The following ANO2 variants were observed in gnomAD, a reference collection of about 807,000 sequenced individuals.
The protein encoded by ANO2 is anoctamin 2, also known as anoctamin-2.
In ANO2, 101 loss-of-function variants were observed where a neutral mutation model predicts 124.2. The observed-to-expected ratio is 0.81, with a 90% CI of 0.69 to 0.96. The LOEUF (loss-of-function observed/expected upper bound fraction) is 0.96, where lower values mean the gene tolerates loss of function less well. ANO2 is among the 40% of genes least tolerant of loss of function. The pLI is 0.00. For synonymous variants in ANO2, 486 were observed against 482.5 expected (o/e 1.01, Z -0.09); for missense variants, 1,293 against 1,274.5 (o/e 1.01, Z -0.22).
chr12:5,724,606 C>T (rs1220558390), intron 14 of ANO2, among the ~76,000 whole-genome samples: 1 of 152,218 alleles, frequency 6.6e-6, no homozygotes, highest in Non-Finnish European at 1.5e-5. Context: ...CTGCCAGAGG[C>T]GTCTGTCGTA....
At chr12:5,822,810 A>C (rs767408459) in intron 7 of ANO2, among the ~76,000 whole-genome samples, 1 of 152,164 alleles carries the variant, frequency 6.6e-6, no homozygotes, top group Non-Finnish European at 1.5e-5. Flanking sequence ...TATACCTCAG[A>C]CTGGGAAGAA....
chr12:5,767,896 G>A (rs1407325332), intron 10 of ANO2, among the ~76,000 whole-genome samples: 4 of 152,138 alleles, frequency 2.6e-5, no homozygotes, highest in South Asian at 4.1e-4. Flanking sequence ...CTGAAGCTGA[G>A]CTGGGGTGTC....
intron 20 of ANO2, among the ~76,000 whole-genome samples, chr12:5,592,901 T>C (rs1292144134): frequency 6.6e-6 from 1 of 152,158 alleles, no homozygotes; most frequent in African/African-American, 2.4e-5. Flanking sequence ...GACTTGCCAT[T>C]TCAGGAGACA....
chr12:5,630,751 A>G (rs1345094533), intron 16 of ANO2, among the ~76,000 whole-genome samples: 1 of 152,242 alleles, frequency 6.6e-6, no homozygotes, highest in Non-Finnish European at 1.5e-5. Context: ...AGGAAATAAA[A>G]ATAAATGAAA....
intron 8 of ANO2, among the ~76,000 whole-genome samples, chr12:5,806,630 A>G (rs554317351): frequency 6.6e-6 from 1 of 152,372 alleles, no homozygotes; most frequent in Admixed American, 6.5e-5. Flanking sequence ...TAGCTCAAGG[A>G]CCAGTTACAT....
At chr12:5,775,280 CAGAGAGAG>C (rs140979068) in intron 10 of ANO2, among the ~76,000 whole-genome samples, 1 of 149,962 alleles carries the variant, frequency 6.7e-6, no homozygotes, top group Non-Finnish European at 1.5e-5. Flanking sequence ...TGCACACACA[CAGAGAGAG>C]AGAGAGAGAG....
At chr12:5,885,476 A>T (rs899775519) in intron 3 of ANO2, among the ~76,000 whole-genome samples, 1 of 152,252 alleles carries the variant, frequency 6.6e-6, no homozygotes, top group Non-Finnish European at 1.5e-5. Flanking sequence ...ATTACCATAT[A>T]TTAGGCACTG....
At chr12:5,742,383 A>G (rs1951123433) in intron 12 of ANO2, among the ~76,000 whole-genome samples, 1 of 152,130 alleles carries the variant, frequency 6.6e-6, no homozygotes, top group African/African-American at 2.4e-5. Context: ...AAAAAACAAA[A>G]CCAAATCCTA....
intron 14 of ANO2, among the ~76,000 whole-genome samples, chr12:5,722,706 T>G (rs1251174838): frequency 6.6e-6 from 1 of 152,184 alleles, no homozygotes; most frequent in Admixed American, 6.5e-5. Context: ...TGAAATCATT[T>G]GTCCATGACT....
At chr12:5,830,272 C>G (rs1954107939) in intron 6 of ANO2, among the ~76,000 whole-genome samples, 163 bp downstream of exon 6, 1 of 152,100 alleles carries the variant, frequency 6.6e-6, no homozygotes, top group East Asian at 1.9e-4. Context: ...TTTGCTGTTT[C>G]TTTTGGGGAA....
At chr12:5,857,570 T>C (rs1955137172) in intron 3 of ANO2, among the ~76,000 whole-genome samples, 1 of 152,160 alleles carries the variant, frequency 6.6e-6, no homozygotes, top group African/African-American at 2.4e-5. Flanking sequence ...CCATTCTAAC[T>C]GGGGTGAGAT....
intron 3 of ANO2, among the ~76,000 whole-genome samples, chr12:5,920,293 GC>G (rs1753945231): frequency 6.6e-6 from 1 of 152,150 alleles, no homozygotes; most frequent in Non-Finnish European, 1.5e-5. Flanking sequence ...CCCCAGACAA[GC>G]GCATTCCTTA....
chr12:5,643,589 AG>A (rs1383214313), intron 15 of ANO2, among the ~76,000 whole-genome samples: 2 of 152,206 alleles, frequency 1.3e-5, no homozygotes, highest in African/African-American at 4.8e-5. Context: ...TCTGGGCCCC[AG>A]GATATATGTA....
chr12:5,888,232 C>G (rs1253321243), intron 3 of ANO2, among the ~76,000 whole-genome samples: 1 of 151,372 alleles, frequency 6.6e-6, no homozygotes, highest in African/African-American at 2.4e-5. Context: ...TGGAGTTGTT[C>G]TTTCCTCCCG....
At chr12:5,666,559 G>GA (rs200722447) in intron 14 of ANO2, among the ~76,000 whole-genome samples, 1,570 of 150,680 alleles carry the variant, frequency 0.01, 29 homozygotes, top group African/African-American at 0.036. Flanking sequence ...GACCCAGAAG[G>GA]AAAAAAAAAT....
In ANO2 at chr12:5,744,283, T is replaced by A; in HGVS notation, c.1225A>T (p.Met409Leu). The A allele has an allele frequency of 6.2e-7, 1 of 1,613,954 alleles. No homozygotes were observed. Among genetic ancestry groups the A allele is most frequent in the Non-Finnish European group, 8.5e-7 (1 of 1,179,868 alleles). The change falls in exon 12 of 25, where the codon ATG becomes TTG. Residue 409 changes from methionine to leucine, a missense_variant. Coordinates refer to ENST00000682330, the MANE Select transcript of ANO2 (RefSeq NM_001364791.2). ...CAGGACTTGTCACACAGGGGACACA[T>A]GGTGAAGGCATTCTGCTGGTCACAC... The part of the protein sequence containing the change: ...EMCDQQNAFT[M>L]CPLCDKSCDY...
chr12:5,791,459 T>G (rs1952692199), intron 10 of ANO2, among the ~76,000 whole-genome samples: 1 of 152,202 alleles, frequency 6.6e-6, no homozygotes, highest in African/African-American at 2.4e-5. Context: ...ATGGTCAGCA[T>G]GCAGCCCGTA....
chr12:5,745,619 G>A (rs1266887122), intron 11 of ANO2, among the ~76,000 whole-genome samples: 1 of 152,134 alleles, frequency 6.6e-6, no homozygotes, highest in Non-Finnish European at 1.5e-5. Flanking sequence ...TTTACTGAGG[G>A]CTGCCACTTG....
Position 5,733,287 on chromosome 12 carries a change from C to T in ANO2, c.1435-657G>A, listed in dbSNP as rs1216453803. 1.4e-5 allele frequency: 4 copies of T among 284,210 alleles called. No individual in the cohort carries two copies. In the East Asian group the frequency reaches 3.0e-4, roughly 21 times the overall value. 17.6% of individuals were successfully genotyped at this position (284,210 alleles called of 1,614,324 possible). ...TCACTGGGCCATTCAGCAACACAAA[C>T]CTGAGTTGTGAGTCACCAGGCATGG... On this transcript the variant is annotated intron_variant, in intron 13 of 24. Coordinates refer to ENST00000682330, the MANE Select transcript of ANO2 (RefSeq NM_001364791.2).
Sources: gnomAD v4.1 joint callset for allele counts (sites outside exome capture counted in the v4.1 genomes callset) on GRCh38, gnomAD v4.1.1 for gene constraint, MANE v1.5 for transcripts, NCBI Gene and HGNC (gene_info 2026-07-23, HGNC 2026-07-21) for gene names.